Variants in NDST4 observed in about 807,000 individuals in gnomAD.
The protein encoded by NDST4 is N-deacetylase and N-sulfotransferase 4, also known as N-heparan sulfate sulfotransferase 4.
In NDST4, 63 loss-of-function variants were observed where a neutral mutation model predicts 100.8. The ratio of observed to expected loss-of-function variants is 0.62; its 90% CI spans 0.51 to 0.77. The LOEUF (loss-of-function observed/expected upper bound fraction) is 0.77. NDST4 is among the 30% of genes least tolerant of loss of function. The pLI is 0.00. For missense variants in NDST4, 943 were observed against 1,018.4 expected (o/e 0.93, Z 1.01); for synonymous variants, 377 against 361.8 (o/e 1.04, Z -0.48).
chr4:115,093,271 C>T lies in NDST4; in HGVS notation c.-246-15989G>A, dbSNP rs475668. Among the ~76,000 whole-genome samples the T allele has an allele frequency of 1.0e-2, 1,520 of 152,016 alleles. 22 individuals carry two copies. Among genetic ancestry groups the T allele is most frequent in the African/African-American group, 0.028 (1,169 of 41,448 alleles). The stretch of plus-strand genomic sequence containing the variant: ...TGGGCAGATCATGAGGTCAGGAGAT[C>T]GAGACTATCCTGGCTAACACGGTGA... On this transcript the variant is annotated intron_variant, in intron 1 of 13. Coordinates refer to ENST00000264363, the MANE Select transcript of NDST4 (RefSeq NM_022569.3).
At chr4:114,906,606 C>T (rs760998786) in intron 6 of NDST4, among the ~76,000 whole-genome samples, 8 of 151,984 alleles carry the variant, frequency 5.3e-5, no homozygotes, top group East Asian at 1.9e-4. Context: ...TATTGAAGAA[C>T]GATAAAACCA....
intron 6 of NDST4, among the ~76,000 whole-genome samples, chr4:114,878,757 T>G (rs1724308187): frequency 6.6e-6 from 1 of 152,018 alleles, no homozygotes; most frequent in Admixed American, 6.6e-5. Context: ...CATTGTATAT[T>G]ATCACCATGG....
chr4:115,015,599 A>G (rs1007327070), intron 2 of NDST4, among the ~76,000 whole-genome samples: 10 of 152,102 alleles, frequency 6.6e-5, no homozygotes, highest in African/African-American at 2.2e-4. Context: ...GGCAAAATAT[A>G]TGAACATATT....
At chr4:115,072,092 C>A (rs925648147) in intron 2 of NDST4, among the ~76,000 whole-genome samples, 30 of 151,816 alleles carry the variant, frequency 2.0e-4, no homozygotes, top group African/African-American at 7.3e-4. Context: ...AGAGGAAGGC[C>A]AAACAAGACT....
At chr4:114,832,746 C>G (rs796737566) in intron 12 of NDST4, among the ~76,000 whole-genome samples, 7 of 152,238 alleles carry the variant, frequency 4.6e-5, no homozygotes, top group African/African-American at 1.7e-4. Flanking sequence ...CTGGCAGGTC[C>G]AGGTCAGAGA....
At chr4:114,983,051 C>T (rs982167355) in intron 2 of NDST4, among the ~76,000 whole-genome samples, 4 of 152,132 alleles carry the variant, frequency 2.6e-5, no homozygotes, top group Non-Finnish European at 5.9e-5. Flanking sequence ...GGAACCTTCA[C>T]CTGGATTTCA....
At chr4:115,085,138 G>A (rs1251165629) in intron 1 of NDST4, among the ~76,000 whole-genome samples, 2 of 152,168 alleles carry the variant, frequency 1.3e-5, no homozygotes, top group East Asian at 3.9e-4. Context: ...GATAATTTTG[G>A]AACTTTAAGC....
chr4:114,827,815 G>A lies in NDST4; in HGVS notation c.*1C>T. 6.2e-7 allele frequency: 1 copy of A among 1,610,102 alleles called. No individual in the cohort carries two copies. The highest frequency in any genetic ancestry group is 8.5e-7 in the Non-Finnish European group (1 of 1,178,578). On this transcript the variant is annotated 3_prime_UTR_variant, in exon 14 of 14. Transcript: ENST00000264363. ...GAGAGGCTTAGTTCTTGTCTCCAGT[G>A]CTATCTCACTTTCTGCAGTTCCTGT...
At chr4:114,881,359 GA>G (rs367755242) in intron 6 of NDST4, among the ~76,000 whole-genome samples, 1 of 151,908 alleles carries the variant, frequency 6.6e-6, no homozygotes, top group African/African-American at 2.4e-5. Flanking sequence ...GTCAGGGATG[GA>G]AAAAAAGGAA....
At chr4:115,047,325 T>C (rs1400205412) in intron 2 of NDST4, among the ~76,000 whole-genome samples, 1 of 152,106 alleles carries the variant, frequency 6.6e-6, no homozygotes, top group South Asian at 2.1e-4. Flanking sequence ...TTTGAGTTTT[T>C]ACAATATTGT....
At chr4:114,845,656 G>A (rs949782203) in intron 10 of NDST4, among the ~76,000 whole-genome samples, 167 bp downstream of exon 10, 5 of 152,166 alleles carry the variant, frequency 3.3e-5, no homozygotes, top group Non-Finnish European at 7.3e-5. Context: ...AACTTGGTAC[G>A]AGTTAAATAT....
rs781538417 is a variant in NDST4 at position 114,848,282 on chromosome 4, G to A, written c.1873C>T (p.Pro625Ser). The stretch of plus-strand genomic sequence containing the variant: ...ACTTCCTCAAATGTCTTTGGACTAG[G>A]GAGATTGCTGATGATTGAAGGATGC... ...LMHPSIISNL[P>S]SPKTFEEVQF... is the part of the protein sequence containing the mutation. The change falls in exon 9 of 14, where the codon CCT (proline) becomes TCT (serine). Residue 625 changes from proline to serine, a missense_variant. Physicochemically the swap from Pro to Ser is moderately conservative, Grantham distance 74. This residue lies in a region of NDST4 where 526 missense variants were observed against 634.1 expected (regional missense o/e 0.83). Transcript: ENST00000264363. 178 of 1,609,272 alleles carry A rather than the reference G, an allele frequency of 1.1e-4. No homozygotes were observed. The highest frequency in any genetic ancestry group is 1.4e-4 in the Non-Finnish European group (165 of 1,177,212).
intron 6 of NDST4, among the ~76,000 whole-genome samples, chr4:114,904,374 G>A (rs1724907119): frequency 6.6e-6 from 1 of 151,684 alleles, no homozygotes; most frequent in Non-Finnish European, 1.5e-5. Context: ...CGATATTCTT[G>A]TTCTTTTACT....
At chr4:115,061,589 C>T (rs1191592896) in intron 2 of NDST4, among the ~76,000 whole-genome samples, 1 of 150,068 alleles carries the variant, frequency 6.7e-6, no homozygotes, top group Admixed American at 6.6e-5. Flanking sequence ...CACATTGACA[C>T]AGGGAGGGGA....
intron 4 of NDST4, among the ~76,000 whole-genome samples, chr4:114,948,383 A>G (rs1725916224): frequency 6.7e-6 from 1 of 150,276 alleles, no homozygotes; most frequent in Non-Finnish European, 1.5e-5. Context: ...AACCTTTACT[A>G]CCAGGCAAAG....
At chr4:114,941,999 G>T (rs968402215) in intron 4 of NDST4, among the ~76,000 whole-genome samples, 1 of 152,126 alleles carries the variant, frequency 6.6e-6, no homozygotes, top group Admixed American at 6.5e-5. Flanking sequence ...GAAAAATTTG[G>T]TAAAACACTG....
At chr4:114,866,835 A>C (rs1421613609) in intron 7 of NDST4, among the ~76,000 whole-genome samples, 1 of 152,214 alleles carries the variant, frequency 6.6e-6, no homozygotes, top group Non-Finnish European at 1.5e-5. Context: ...TGAAGGCAAG[A>C]ATTTTCTTTT....
chr4:115,086,771 T>A (rs184773219), intron 1 of NDST4, among the ~76,000 whole-genome samples: 1 of 152,212 alleles, frequency 6.6e-6, no homozygotes, highest in Admixed American at 6.5e-5. Flanking sequence ...AGAAAGGACA[T>A]GATTTTTTAA....
chr4:114,958,153 C>G (rs1408711330), intron 4 of NDST4, among the ~76,000 whole-genome samples: 1 of 152,232 alleles, frequency 6.6e-6, no homozygotes, highest in African/African-American at 2.4e-5. Flanking sequence ...AGCAGATTCT[C>G]CATGAGGGCT....
Sources: gnomAD v4.1 joint callset for allele counts (sites outside exome capture counted in the v4.1 genomes callset) on GRCh38, gnomAD v4.1.1 for gene constraint, gnomAD v4.1.1 regional missense constraint, MANE v1.5 for transcripts, NCBI Gene and HGNC (gene_info 2026-07-23, HGNC 2026-07-21) for gene names.